ZBBX: variants seen among roughly 807,000 people sequenced by gnomAD.
The protein encoded by ZBBX is zinc finger B-box domain-containing protein 1.
Under a neutral mutation model 108.5 loss-of-function variants are expected in ZBBX, and 101 were observed. The observed-to-expected ratio is 0.93, with a 90% confidence interval of 0.79 to 1.10. ZBBX has a LOEUF of 1.10. Among genes scored for constraint, ZBBX ranks in the 50% least tolerant of loss-of-function variants. The probability of loss-of-function intolerance (pLI) is 0.00; values close to 1 mark genes in which losing one functional copy is unlikely to be tolerated. For missense variants in ZBBX, 1,009 were observed against 941.4 expected (o/e 1.07, Z -0.94); for synonymous variants, 356 against 323.4 (o/e 1.10, Z -1.08).
At position 167,242,605 on chromosome 3, in the gene ZBBX, A is replaced by G. The variant is rs1046211989; in HGVS notation, c.2293T>C (p.Phe765Leu). 1.2e-6 allele frequency: 2 copies of G among 1,613,410 alleles called. No homozygotes were observed. Among genetic ancestry groups the G allele is most frequent in the Non-Finnish European group, 1.7e-6 (2 of 1,179,808 alleles). ...EKLYSLTSEE[F>L]PDFSSQSLNI... is the part of the protein sequence containing the mutation. ...AGTGATTGGCTGCTGAAATCTGGGAACTCTTCTGAGGTTAAGCTGTAAAGC... is the reference window on the plus strand; with the variant it reads ...AGTGATTGGCTGCTGAAATCTGGGAGCTCTTCTGAGGTTAAGCTGTAAAGC... The change falls in exon 21 of 22, where the codon TTC becomes CTC. Residue 765 changes from phenylalanine to leucine, a missense_variant. Phe to Leu is a conservative substitution (Grantham distance 22). Transcript: ENST00000675490.
chr3:167,305,376 T>C (rs1733441464), intron 17 of ZBBX, among the ~76,000 whole-genome samples: 1 of 152,138 alleles, frequency 6.6e-6, no homozygotes, highest in Non-Finnish European at 1.5e-5. Context: ...TTTTCCATGC[T>C]CTTACTATGC....
intron 20 of ZBBX, among the ~76,000 whole-genome samples, chr3:167,274,639 C>A (rs1727154664): frequency 6.6e-6 from 1 of 152,190 alleles, no homozygotes; most frequent in South Asian, 2.1e-4. Context: ...AAACAGCCTA[C>A]CCCCTTCCCG....
chr3:167,367,032 T>C (rs1197399943), intron 5 of ZBBX: 1 of 382,084 alleles, frequency 2.6e-6, no homozygotes, highest in Non-Finnish European at 5.3e-6. Context: ...TAAAGATAAA[T>C]ACTACTGAAA....
At chr3:167,313,461 T>A (rs1403993563) in intron 16 of ZBBX, among the ~76,000 whole-genome samples, 1 of 151,974 alleles carries the variant, frequency 6.6e-6, no homozygotes, top group Non-Finnish European at 1.5e-5. Flanking sequence ...ATTTTTATTT[T>A]TAGTAGAGAT....
At chr3:167,385,624 T>A (rs902274520) in intron 1 of ZBBX, among the ~76,000 whole-genome samples, 7 of 151,880 alleles carry the variant, frequency 4.6e-5, no homozygotes, top group Non-Finnish European at 1.0e-4. Flanking sequence ...GTACACAAAA[T>A]TTTTTTTCCT....
chr3:167,322,336 A>G (rs1736588193), intron 11 of ZBBX, 99 bp from the exon 12 acceptor site: 1 of 972,114 alleles, frequency 1.0e-6, no homozygotes, highest in African/African-American at 1.7e-5. Context: ...TGGGGCATAT[A>G]TGCTTTAATA....
the ZBBX span, among the ~76,000 whole-genome samples, chr3:167,185,424 A>G: frequency 3.3e-5 from 5 of 152,296 alleles, no homozygotes; most frequent in Admixed American, 3.3e-4. Flanking sequence ...GTGATATTTC[A>G]TTCTATATTT....
chr3:167,221,390 C>A, the ZBBX span, among the ~76,000 whole-genome samples: 3 of 151,580 alleles, frequency 2.0e-5, no homozygotes, highest in African/African-American at 7.3e-5. Flanking sequence ...CATTTTTTGA[C>A]AAAGGCATCA....
intron 20 of ZBBX, among the ~76,000 whole-genome samples, chr3:167,259,838 C>T (rs1488424674): frequency 1.3e-5 from 2 of 152,016 alleles, no homozygotes; most frequent in African/African-American, 4.8e-5. Flanking sequence ...TCAGAGAGTG[C>T]TTGATATAAT....
At chr3:167,358,961 A>G (rs867459422) in intron 8 of ZBBX, among the ~76,000 whole-genome samples, 1,792 of 132,872 alleles carry the variant, frequency 0.013, 43 homozygotes, top group East Asian at 0.059. Context: ...AAAAAAAAAA[A>G]AGAGAGAGAA....
At chr3:167,234,705 C>T in the ZBBX span, among the ~76,000 whole-genome samples, 4 of 151,844 alleles carry the variant, frequency 2.6e-5, no homozygotes, top group Admixed American at 2.6e-4. Context: ...ACAGTAGAGA[C>T]TGTGACAAAG....
chr3:167,263,306 T>C (rs897783063), intron 20 of ZBBX, among the ~76,000 whole-genome samples: 1 of 152,168 alleles, frequency 6.6e-6, no homozygotes, highest in Non-Finnish European at 1.5e-5. Context: ...TTCTTTAAGA[T>C]ACAGGTTTTA....
chr3:167,331,892 G>A (rs990767015), intron 10 of ZBBX, among the ~76,000 whole-genome samples: 1 of 152,088 alleles, frequency 6.6e-6, no homozygotes, highest in Non-Finnish European at 1.5e-5. Context: ...CCAGGTTTCG[G>A]CTTATAAGAT....
At chr3:167,340,968 G>C (rs1242380384) in intron 9 of ZBBX, among the ~76,000 whole-genome samples, 1 of 151,968 alleles carries the variant, frequency 6.6e-6, no homozygotes, top group African/African-American at 2.4e-5. Context: ...ATTTGCAAGA[G>C]TAGTGGTACA....
intron 1 of ZBBX, among the ~76,000 whole-genome samples, chr3:167,387,715 T>C (rs1747960997): frequency 6.6e-6 from 1 of 151,854 alleles, no homozygotes; most frequent in Non-Finnish European, 1.5e-5. Flanking sequence ...CGCTGTTGTA[T>C]AGGAGATACT....
the ZBBX span, among the ~76,000 whole-genome samples, chr3:167,202,842 A>G: frequency 6.6e-6 from 1 of 152,138 alleles, no homozygotes; most frequent in Non-Finnish European, 1.5e-5. Flanking sequence ...ATAGCTTCCT[A>G]TTCAGACCAA....
chr3:167,215,039 T>C, the ZBBX span, among the ~76,000 whole-genome samples: 2 of 149,768 alleles, frequency 1.3e-5, no homozygotes, highest in Non-Finnish European at 3.0e-5. Context: ...CTTAGAAAGA[T>C]CTCAATTTAA....
intron 14 of ZBBX, among the ~76,000 whole-genome samples, chr3:167,316,051 C>G (rs1735397642): frequency 6.6e-6 from 1 of 152,012 alleles, no homozygotes; most frequent in South Asian, 2.1e-4. Context: ...TACCCCAATC[C>G]AACAATAATA....
chr3:167,249,448 G>A (rs918126267), intron 20 of ZBBX, among the ~76,000 whole-genome samples: 18 of 152,092 alleles, frequency 1.2e-4, no homozygotes, highest in African/African-American at 3.1e-4. Context: ...CCTGTTACTC[G>A]GGGTCCACCC....
Sources: allele counts gnomAD v4.1 joint callset (sites outside exome capture counted in the v4.1 genomes callset), GRCh38; gene constraint gnomAD v4.1.1; transcripts MANE v1.5; gene names NCBI Gene and HGNC (gene_info 2026-07-23, HGNC 2026-07-21).